ZNF277: variants seen among roughly 807,000 people sequenced by gnomAD.
ZNF277 encodes the protein nuclear receptor-interacting factor 4.
Under a neutral mutation model 60.7 loss-of-function variants are expected in ZNF277, and 55 were observed. That is an observed-to-expected ratio of 0.91 (90% CI 0.73 to 1.13). The LOEUF is 1.13. ZNF277 is among the 50% of genes most tolerant of loss of function. ZNF277 has a pLI of 0.00. For missense variants in ZNF277, 510 were observed against 523.0 expected (o/e 0.98, Z 0.24); for synonymous variants, 178 against 179.3 (o/e 0.99, Z 0.06).
intron 1 of ZNF277, among the ~76,000 whole-genome samples, chr7:112,211,248 A>T (rs1211504276): frequency 6.6e-6 from 1 of 152,206 alleles, no homozygotes; most frequent in East Asian, 1.9e-4. Context: ...ATCAAGTCTA[A>T]GCTAGAAACC....
chr7:112,283,344 G>A lies in ZNF277; in HGVS notation c.92-3529G>A, dbSNP rs936331180. Among the ~76,000 whole-genome samples the A allele has an allele frequency of 4.6e-5, 7 of 152,268 alleles. 1 individual carries two copies. The highest frequency in any genetic ancestry group is 1.9e-4 in the East Asian group (1 of 5,174). ...GGAATTGGAGACCAGCCAGGCCAGC[G>A]AAACCTGGTCTCTACTGAAAATACA... is the stretch of plus-strand genomic sequence containing the variant. On this transcript the variant is annotated intron_variant, in intron 1 of 11. Transcript: ENST00000361822.
At chr7:112,242,597 A>C (rs945892804) in intron 1 of ZNF277, among the ~76,000 whole-genome samples, 2 of 151,624 alleles carry the variant, frequency 1.3e-5, no homozygotes, top group African/African-American at 4.8e-5. Flanking sequence ...AATACCTAGG[A>C]ATACATTTAA....
rs146507142 is a variant in ZNF277 at position 112,228,373 on chromosome 7, A to G, written c.91+21566A>G. Among the ~76,000 whole-genome samples the G allele has an allele frequency of 4.6e-3, 669 of 144,502 alleles. 6 individuals carry two copies. The highest frequency in any genetic ancestry group is 5.4e-3 in the Non-Finnish European group (362 of 66,774). 94.8% of individuals were successfully genotyped at this position (144,502 alleles called of 152,430 possible). A position where few individuals can be genotyped will look rare whatever the true frequency, so the allele number is the denominator to read the frequency against. ...TACGTCTATTGAATATATCACCCAT[A>G]TTTCTATACAGTCTTCTATTCCATT... On this transcript the variant is annotated intron_variant, in intron 1 of 11. Transcript: ENST00000361822.
At chr7:112,241,269 T>C (rs1790943434) in intron 1 of ZNF277, among the ~76,000 whole-genome samples, 1 of 152,156 alleles carries the variant, frequency 6.6e-6, no homozygotes, top group African/African-American at 2.4e-5. Flanking sequence ...GTACTCAACA[T>C]AACTGATCAT....
chr7:112,279,201 G>A (rs1303914900), intron 1 of ZNF277, among the ~76,000 whole-genome samples: 1 of 152,052 alleles, frequency 6.6e-6, no homozygotes, highest in Non-Finnish European at 1.5e-5. Flanking sequence ...CAATTCTTTT[G>A]GATAAATAAC....
intron 1 of ZNF277, among the ~76,000 whole-genome samples, chr7:112,241,637 T>A (rs77089330): frequency 0.13 from 20,436 of 152,068 alleles, 1,438 homozygotes; most frequent in East Asian, 0.16. Flanking sequence ...CTAGAGAAAG[T>A]GTGATACATA....
At chr7:112,226,404 T>C (rs754918295) in intron 1 of ZNF277, among the ~76,000 whole-genome samples, 2 of 152,304 alleles carry the variant, frequency 1.3e-5, no homozygotes, top group East Asian at 3.9e-4. Flanking sequence ...ATGTCCCAGG[T>C]ATCACTGAAA....
intron 4 of ZNF277, among the ~76,000 whole-genome samples, chr7:112,302,816 C>T (rs1481734712): frequency 6.6e-6 from 1 of 151,964 alleles, no homozygotes; most frequent in East Asian, 1.9e-4. Context: ...TGCACACAAC[C>T]GTGGTTATAT....
chr7:112,229,533 T>C (rs1822267195), intron 1 of ZNF277, among the ~76,000 whole-genome samples: 1 of 152,224 alleles, frequency 6.6e-6, no homozygotes, highest in African/African-American at 2.4e-5. Flanking sequence ...TTGTTCTCCA[T>C]GAGGCCAAGT....
chr7:112,248,531 T>A (rs562566586), intron 1 of ZNF277, among the ~76,000 whole-genome samples: 8 of 152,112 alleles, frequency 5.3e-5, no homozygotes, highest in Admixed American at 4.6e-4. Context: ...CATCAATAAA[T>A]GAAATTATGT....
intron 4 of ZNF277, among the ~76,000 whole-genome samples, chr7:112,305,774 A>C (rs1327413897): frequency 6.6e-6 from 1 of 152,068 alleles, no homozygotes; most frequent in Non-Finnish European, 1.5e-5. Context: ...CTTTTTAATT[A>C]CCGATGACTG....
chr7:112,249,947 T>G (rs988256572), intron 1 of ZNF277, among the ~76,000 whole-genome samples: 2 of 152,066 alleles, frequency 1.3e-5, no homozygotes, highest in Non-Finnish European at 2.9e-5. Flanking sequence ...AAATGTGGGC[T>G]CCTTAAAAAA....
chr7:112,228,687 G>C (rs953408199), intron 1 of ZNF277, among the ~76,000 whole-genome samples: 6 of 151,932 alleles, frequency 3.9e-5, no homozygotes, highest in African/African-American at 9.7e-5. Flanking sequence ...GTTTCAGGTA[G>C]TCAGATTGTA....
intron 1 of ZNF277, among the ~76,000 whole-genome samples, chr7:112,271,834 A>G (rs1373070372): frequency 6.6e-6 from 1 of 151,882 alleles, no homozygotes; most frequent in African/African-American, 2.4e-5. Flanking sequence ...AGGTGTAGGT[A>G]TTTATGGGAT....
chr7:112,302,037 C>T (rs961657978), intron 4 of ZNF277, among the ~76,000 whole-genome samples: 1 of 152,002 alleles, frequency 6.6e-6, no homozygotes, highest in African/African-American at 2.4e-5. Context: ...GTGTGGTATT[C>T]GTTAAGTTCT....
At chr7:112,255,742 G>A (rs1791294006) in intron 1 of ZNF277, among the ~76,000 whole-genome samples, 1 of 152,188 alleles carries the variant, frequency 6.6e-6, no homozygotes, top group African/African-American at 2.4e-5. Flanking sequence ...CTGGGCTGTT[G>A]CAATTGCTTC....
At chr7:112,261,122 C>T (rs1018707788) in intron 1 of ZNF277, among the ~76,000 whole-genome samples, 2 of 152,120 alleles carry the variant, frequency 1.3e-5, no homozygotes. Context: ...AAACTTCAGC[C>T]GTTGGTCAGT....
In ZNF277 at chr7:112,206,760, A is replaced by G; in HGVS notation, c.44A>G (p.Glu15Gly). The G allele has an allele frequency of 6.2e-7, 1 of 1,613,066 alleles. No homozygotes were observed. The highest frequency in any genetic ancestry group is 1.7e-4 in the Middle Eastern group (1 of 6,052). ...CAGGGGGCTGTCGCCCGAATGCAGG[A>G]AGACCGTGATGGGAGCTGCAGCACA... ...KTQGAVARMQ[E>G]DRDGSCSTVG... The change falls in exon 1 of 12, where the codon GAA (glutamate) becomes GGA (glycine). Residue 15 changes from glutamate to glycine, a missense_variant. Glu to Gly is a moderately conservative substitution (Grantham distance 98). Coordinates refer to ENST00000361822, the MANE Select transcript of ZNF277 (RefSeq NM_021994.3).
chr7:112,281,915 C>T (rs1356711613), intron 1 of ZNF277, among the ~76,000 whole-genome samples: 2 of 152,222 alleles, frequency 1.3e-5, no homozygotes, highest in East Asian at 3.8e-4. Context: ...TCACTGCAAC[C>T]TCCACCTCCT....
Sources: gnomAD v4.1 joint callset for allele counts (sites outside exome capture counted in the v4.1 genomes callset) on GRCh38, gnomAD v4.1.1 for gene constraint, MANE v1.5 for transcripts, NCBI Gene and HGNC (gene_info 2026-07-23, HGNC 2026-07-21) for gene names.